ACTN2: variants seen among roughly 807,000 people sequenced by gnomAD.
The protein encoded by ACTN2 is actinin alpha 2.
ACTN2 carries 39 observed loss-of-function variants against 113.8 expected under a neutral mutation model. The observed-to-expected ratio is 0.34, with a 90% CI of 0.27 to 0.45. ACTN2 has a LOEUF of 0.45. ACTN2 is among the 20% of genes least tolerant of loss of function. The pLI, the probability that ACTN2 is intolerant of heterozygous loss-of-function variation, is 1.00. For synonymous variants in ACTN2, 429 were observed against 444.1 expected, an observed-to-expected ratio of 0.97 and a Z score of 0.43; for missense variants, 992 against 1,177.9, an observed-to-expected ratio of 0.84 and a Z score of 2.31.
At chr1:236,713,421 T>A (rs1658107899) in intron 1 of ACTN2, among the ~76,000 whole-genome samples, 1 of 152,120 alleles carries the variant, frequency 6.6e-6, no homozygotes, top group Non-Finnish European at 1.5e-5. Flanking sequence ...GAGACAGGGT[T>A]TCTCCGTGTT....
rs541443136 is a variant in ACTN2 at position 236,722,890 on chromosome 1, G to A, written c.448+2699G>A. Among the ~76,000 whole-genome samples the A allele has an allele frequency of 1.1e-3, 172 of 152,232 alleles. 1 individual carries two copies. Among genetic ancestry groups the A allele is most frequent in the African/African-American group, 3.9e-3 (162 of 41,532 alleles). On this transcript the variant is annotated intron_variant, in intron 4 of 20. Coordinates refer to ENST00000366578, the MANE Select transcript of ACTN2 (RefSeq NM_001103.4). ...GGGAGTAGGTTTTCCAGTAATGTAC[G>A]TAATTCACACAAGGTTGTTAACCTT...
At chr1:236,760,947 G>A (rs1304017578) in intron 19 of ACTN2, 68 bp from the exon 20 acceptor site, 2 of 1,597,844 alleles carry the variant, frequency 1.3e-6, no homozygotes, top group Admixed American at 1.7e-5. Flanking sequence ...ACCAGGGAAA[G>A]AATGAAAACG....
intron 8 of ACTN2, 160 bp from the exon 9 acceptor site, chr1:236,736,962 G>C (rs987866469): frequency 5.5e-5 from 36 of 658,260 alleles, no homozygotes; most frequent in Non-Finnish European, 8.4e-5. Flanking sequence ...TTCATAGTAC[G>C]CATAAGCCAT....
At chr1:236,710,961 C>T (rs534158402) in intron 1 of ACTN2, among the ~76,000 whole-genome samples, 115 of 152,158 alleles carry the variant, frequency 7.6e-4, no homozygotes, top group African/African-American at 2.6e-3. Flanking sequence ...GGTTGGGGAC[C>T]GCTGTTCTAG....
intron 7 of ACTN2, among the ~76,000 whole-genome samples, chr1:236,732,387 C>T (rs1658734577): frequency 6.6e-6 from 1 of 152,058 alleles, no homozygotes; most frequent in South Asian, 2.1e-4. Flanking sequence ...TGTCTTCACA[C>T]AGCCTTTTCC....
Position 236,754,078 on chromosome 1 carries a change from G to A in ACTN2, c.1971G>A (p.Met657Ile). ...NAIGPWIQNK[M>I]EEIARSSIQI... ...TTGGGCCCTGGATCCAGAACAAGAT[G>A]GAGGTAAGCCAGCGCCCTCCCAGGC... Residue 657 changes from methionine to isoleucine, a missense_variant, in exon 16 of 21, where the codon ATG becomes ATA. Physicochemically the swap from Met to Ile is conservative, Grantham distance 10 (BLOSUM62 1). Coordinates refer to ENST00000366578, the MANE Select transcript of ACTN2 (RefSeq NM_001103.4). This position sits in a 1 kb window ranked among gnomAD's most constrained non-coding sequence, Gnocchi z 4.9. 1 of 1,613,920 alleles carries A rather than the reference G, an allele frequency of 6.2e-7. No individual in the cohort carries two copies. Among genetic ancestry groups the A allele is most frequent in the East Asian group, 2.2e-5 (1 of 44,874 alleles).
chr1:236,722,178 G>A (rs1465495295), intron 4 of ACTN2, among the ~76,000 whole-genome samples: 1 of 151,938 alleles, frequency 6.6e-6, no homozygotes, highest in African/African-American at 2.4e-5. Flanking sequence ...TGGAGTAATT[G>A]TTTAACAACC....
chr1:236,744,246 C>G lies in ACTN2; in HGVS notation c.1256-380C>G, dbSNP rs142448588. On this transcript the variant is annotated intron_variant, in intron 11 of 20. Coordinates refer to ENST00000366578, the MANE Select transcript of ACTN2 (RefSeq NM_001103.4). ...ACTCATGGATAGACAAATGGAGCAC[C>G]GGGGTTTTATCTAAGCATCCCTGGT... Among the ~76,000 whole-genome samples, 52 of 152,154 alleles carry G rather than the reference C, an allele frequency of 3.4e-4. No homozygotes were observed. The East Asian group carries it at 9.1e-3, about 27-fold the overall frequency.
intron 1 of ACTN2, among the ~76,000 whole-genome samples, chr1:236,695,686 T>G (rs1657478147): frequency 6.6e-6 from 1 of 151,918 alleles, no homozygotes; most frequent in South Asian, 2.1e-4. Flanking sequence ...GGAAATTTTT[T>G]TGAAGATGCA....
intron 1 of ACTN2, among the ~76,000 whole-genome samples, chr1:236,710,898 C>T (rs547996387): frequency 6.6e-6 from 1 of 152,128 alleles, no homozygotes; most frequent in East Asian, 1.9e-4. Flanking sequence ...CTTCCCTACC[C>T]CCCACCCGTG....
In ACTN2 at chr1:236,749,055, C is replaced by T. The variant is rs550679502; in HGVS notation, c.1516-69C>T. 8.2e-5 allele frequency: 125 copies of T among 1,524,712 alleles called. 2 individuals are homozygous for T. The East Asian group carries it at 1.2e-3, about 15-fold the overall frequency. The allele number at this position is 1,524,712 out of a possible 1,614,324, so 94.4% of individuals were successfully genotyped here. A position where few individuals can be genotyped will look rare whatever the true frequency, so the allele number is the denominator to read the frequency against. On this transcript the variant is annotated intron_variant, in intron 13 of 20. Coordinates refer to ENST00000366578, the MANE Select transcript of ACTN2 (RefSeq NM_001103.4). ...CAGAGAATAGTCTGTTCTTATGGAA[C>T]GCCTACTTACACTTTCAGTGAATTT...
At chr1:236,742,243 C>T (rs923437069) in intron 10 of ACTN2, among the ~76,000 whole-genome samples, 2 of 151,566 alleles carry the variant, frequency 1.3e-5, no homozygotes, top group African/African-American at 4.8e-5. Context: ...TGCTTAAGTA[C>T]TTAATGACTG....
At chr1:236,717,629 G>T (rs1658261135) in intron 1 of ACTN2, among the ~76,000 whole-genome samples, 1 of 152,182 alleles carries the variant, frequency 6.6e-6, no homozygotes, top group African/African-American at 2.4e-5. Flanking sequence ...AAATTCTTCA[G>T]GTTGGAATAT....
At chr1:236,742,821 A>T (rs1659111898) in intron 10 of ACTN2, 75 bp from the exon 11 acceptor site, 6 of 1,581,440 alleles carry the variant, frequency 3.8e-6, no homozygotes, top group African/African-American at 2.7e-5. Context: ...GGATTTATAG[A>T]AGAAGCCTGA....
chr1:236,731,901 A>T (rs903929290), intron 7 of ACTN2, among the ~76,000 whole-genome samples: 1 of 151,212 alleles, frequency 6.6e-6, no homozygotes, highest in Non-Finnish European at 1.5e-5. Flanking sequence ...ACTTGTTTCA[A>T]ATACTTTTTG....
At position 236,709,628 on chromosome 1, in the gene ACTN2, G is replaced by T. The variant is rs554222584; in HGVS notation, c.127-8230G>T. On this transcript the variant is annotated intron_variant, in intron 1 of 20. Coordinates refer to ENST00000366578, the MANE Select transcript of ACTN2 (RefSeq NM_001103.4). ...ACCAAGCAGACCTCTTGATGTCTCAGCTCCCTGAGGAAAGGAAATGATATG... is the reference window on the plus strand; with the variant it reads ...ACCAAGCAGACCTCTTGATGTCTCATCTCCCTGAGGAAAGGAAATGATATG... Among the ~76,000 whole-genome samples the T allele has an allele frequency of 2.0e-4, 31 of 152,070 alleles. 1 individual carries two copies. The South Asian group carries it at 6.4e-3, about 32-fold the overall frequency.
intron 1 of ACTN2, among the ~76,000 whole-genome samples, chr1:236,709,628 G>A (rs554222584): frequency 2.6e-5 from 4 of 151,952 alleles, no homozygotes; most frequent in African/African-American, 4.8e-5. Flanking sequence ...TGATGTCTCA[G>A]CTCCCTGAGG....
chr1:236,735,169 G>A (rs572984956), intron 7 of ACTN2, among the ~76,000 whole-genome samples: 38 of 152,322 alleles, frequency 2.5e-4, no homozygotes, highest in African/African-American at 8.7e-4. Context: ...AGTTGTTTGG[G>A]TGGGGAAGGG....
intron 1 of ACTN2, 37 bp from the exon 2 acceptor site, chr1:236,717,821 T>G (rs772990187): frequency 2.1e-6 from 3 of 1,430,634 alleles, no homozygotes; most frequent in Non-Finnish European, 3.0e-6. Context: ...TGAAATCCGA[T>G]GGACCTGTGC....
Sources: allele counts gnomAD v4.1 joint callset (sites outside exome capture counted in the v4.1 genomes callset), GRCh38; gene constraint gnomAD v4.1.1; non-coding constraint Gnocchi (gnomAD v3.1); transcripts MANE v1.5; gene names NCBI Gene and HGNC (gene_info 2026-07-23, HGNC 2026-07-21).